Variants in GRM6 observed in about 807,000 individuals in gnomAD.
The protein encoded by GRM6 is glutamate metabotropic receptor 6.
A neutral mutation model predicts 78.4 loss-of-function variants in GRM6; 73 were observed. The observed-to-expected ratio is 0.93, with a 90% CI of 0.77 to 1.13. GRM6 has a LOEUF of 1.13. Among genes scored for constraint, GRM6 ranks in the 50% most tolerant of loss-of-function variants. The pLI, the probability that GRM6 is intolerant of heterozygous loss-of-function variation, is 0.00. For synonymous variants in GRM6, 580 were observed against 555.0 expected, an observed-to-expected ratio of 1.05 and a Z score of -0.63; for missense variants, 1,251 against 1,256.4, an observed-to-expected ratio of 1.00 and a Z score of 0.07.
intron 2 of GRM6, 98 bp downstream of exon 2, chr5:178,994,343 G>C: frequency 9.4e-7 from 1 of 1,059,338 alleles, no homozygotes; most frequent in Non-Finnish European, 1.3e-6. Flanking sequence ...TTAAAACGGA[G>C]ACTCTTTCAG....
chr5:178,981,525 G>A lies in GRM6; in HGVS notation c.*132C>T, dbSNP rs905778504. ...GTTCCTTCTCAAGGCCAGCCCCACC[G>A]ACGCGGAGCATGGTCTTGGCAAACT... On this transcript the variant is annotated 3_prime_UTR_variant, in exon 11 of 11. Transcript: ENST00000517717. The surrounding 1 kb of genome is among the most constrained non-coding windows in gnomAD (Gnocchi z 5.1). 2.3e-5 allele frequency: 16 copies of A among 682,730 alleles called. No homozygotes were observed. Among genetic ancestry groups the A allele is most frequent in the Middle Eastern group, 8.2e-4 (2 of 2,446 alleles). The allele number at this position is 682,730 out of a possible 1,614,324, so 42.3% of individuals were successfully genotyped here.
chr5:178,983,362 C>T (rs1330506012), intron 9 of GRM6, 141 bp from the exon 10 acceptor site: 2 of 772,062 alleles, frequency 2.6e-6, no homozygotes, highest in Non-Finnish European at 4.5e-6. Context: ...TGGTGGCTCT[C>T]AGGAGCACTC....
At position 178,979,984 on chromosome 5, in the gene GRM6, G is replaced by A. The variant is rs550112844; in HGVS notation, c.*1673C>T. 1.9e-5 allele frequency: 3 copies of A among 154,486 alleles called. No individual in the cohort carries two copies. The highest frequency in any genetic ancestry group is 3.9e-4 in the East Asian group (2 of 5,184). 9.6% of individuals were successfully genotyped at this position (154,486 alleles called of 1,614,324 possible). On this transcript the variant is annotated 3_prime_UTR_variant, in exon 11 of 11. Coordinates refer to ENST00000517717, the MANE Select transcript of GRM6 (RefSeq NM_000843.4). ...GAAAGCATTCAGCAACAAATGAAACGTCCTAATGTGCACTATAGAGAAGCC... is the reference window on the plus strand; with the variant it reads ...GAAAGCATTCAGCAACAAATGAAACATCCTAATGTGCACTATAGAGAAGCC...
intron 5 of GRM6, chr5:178,989,874 T>C (rs983461952): frequency 1.5e-4 from 37 of 253,170 alleles, no homozygotes; most frequent in Admixed American, 9.1e-4. Flanking sequence ...GCCCAGGGCT[T>C]TGAGAGCGCA....
Position 178,992,338 on chromosome 5 carries a change from G to A in GRM6, c.505-255C>T, listed in dbSNP as rs1760693901. ...GCTGTGCAGGTGGGAGGTATGCAGG[G>A]CTGGGGAGAGGGCAGGACCGCCACA... On this transcript the variant is annotated intron_variant, in intron 2 of 10. Transcript: ENST00000517717. This position sits in a 1 kb window ranked among gnomAD's most constrained non-coding sequence, Gnocchi z 4.9. The A allele has an allele frequency of 1.6e-6, 1 of 633,060 alleles. No homozygotes were observed. The highest frequency in any genetic ancestry group is 2.1e-5 in the Admixed American group (1 of 47,672). 39.2% of individuals were successfully genotyped at this position (633,060 alleles called of 1,614,324 possible). A position where few individuals can be genotyped will look rare whatever the true frequency, so the allele number is the denominator to read the frequency against.
chr5:178,984,964 T>C (rs1450935352), intron 9 of GRM6, among the ~76,000 whole-genome samples: 3 of 152,032 alleles, frequency 2.0e-5, no homozygotes, highest in African/African-American at 7.2e-5. Context: ...ACAGAAAACA[T>C]CCAGGGCGCC....
At chr5:178,989,211 A>AACCCCCCC in intron 6 of GRM6, 54 bp downstream of exon 6, 1 of 121,712 alleles carries the variant, frequency 8.2e-6, no homozygotes, top group Non-Finnish European at 1.3e-5. Context: ...CCCCCTCCCC[A>AACCCCCCC]CCCTCACCAC....
chr5:178,984,308 G>A lies in GRM6; in HGVS notation c.2125-1087C>T, dbSNP rs370696503. Among the ~76,000 whole-genome samples the A allele has an allele frequency of 5.0e-4, 76 of 151,958 alleles. 1 individual carries two copies. The Middle Eastern group carries it at 0.027, about 55-fold the overall frequency. Reference sequence around the variant, plus strand: ...CGAGCGAGCACGCCTCACTCGGAACGGACTCCTGCAAAATAACAGCAAATG... The same window carrying A: ...CGAGCGAGCACGCCTCACTCGGAACAGACTCCTGCAAAATAACAGCAAATG... On this transcript the variant is annotated intron_variant, in intron 9 of 10. Coordinates refer to ENST00000517717, the MANE Select transcript of GRM6 (RefSeq NM_000843.4).
rs1760664769 is a variant in GRM6 at position 178,991,230 on chromosome 5, C to T, written c.857+194G>A. On this transcript the variant is annotated intron_variant, in intron 4 of 10. Transcript: ENST00000517717. The surrounding 1 kb of genome is among the most constrained non-coding windows in gnomAD (Gnocchi z 5.0). ...TGTTCTGTGCGCTATTCAGTCTGGG[C>T]TTGTGGCATCTCCCCAGACCAGGCT... 6.6e-6 allele frequency among the ~76,000 whole-genome samples: 1 copy of T among 152,120 alleles called. No individual in the cohort carries two copies. The highest frequency in any genetic ancestry group is 2.4e-5 in the African/African-American group (1 of 41,420).
At position 178,992,535 on chromosome 5, in the gene GRM6, G is replaced by A. The variant is rs1760699839; in HGVS notation, c.505-452C>T. On this transcript the variant is annotated intron_variant, in intron 2 of 10. Coordinates refer to ENST00000517717, the MANE Select transcript of GRM6 (RefSeq NM_000843.4). This position sits in a 1 kb window ranked among gnomAD's most constrained non-coding sequence, Gnocchi z 4.9. Reference sequence around the variant, plus strand: ...CCTAGGAGGGATTAGGGCAGACAGGGGAGCAGCAGGGGATGTTCCATTTAA... The same window carrying A: ...CCTAGGAGGGATTAGGGCAGACAGGAGAGCAGCAGGGGATGTTCCATTTAA... The A allele has an allele frequency of 3.1e-6, 1 of 322,098 alleles. No homozygotes were observed. The highest frequency in any genetic ancestry group is 6.2e-6 in the Non-Finnish European group (1 of 161,310). The allele number at this position is 322,098 out of a possible 1,614,324, so 20.0% of individuals were successfully genotyped here.
At position 178,981,419 on chromosome 5, in the gene GRM6, T is replaced by TCG; in HGVS notation, c.*237_*238insCG. The TCG allele has an allele frequency of 2.0e-6, 1 of 498,904 alleles. No individual in the cohort carries two copies. Among genetic ancestry groups the TCG allele is most frequent in the Non-Finnish European group, 3.6e-6 (1 of 275,524 alleles). 30.9% of individuals were successfully genotyped at this position (498,904 alleles called of 1,614,324 possible). A position where few individuals can be genotyped will look rare whatever the true frequency, so the allele number is the denominator to read the frequency against. ...GAGCTAGAACCTTCTCGGTGGCTGT[T>TCG]TCCCACCATGGGAAGCGAGTCTGGT... On this transcript the variant is annotated 3_prime_UTR_variant, in exon 11 of 11. Coordinates refer to ENST00000517717, the MANE Select transcript of GRM6 (RefSeq NM_000843.4). The surrounding 1 kb of genome is among the most constrained non-coding windows in gnomAD (Gnocchi z 5.1).
chr5:178,982,807 T>A, intron 10 of GRM6, 103 bp downstream of exon 10: 1 of 813,460 alleles, frequency 1.2e-6, no homozygotes, highest in Non-Finnish European at 2.1e-6. Context: ...AGCAGCCAGA[T>A]ACGGGATAAA....
Position 178,981,593 on chromosome 5 carries a change from C to T in GRM6, c.*64G>A, listed in dbSNP as rs968141143. On this transcript the variant is annotated 3_prime_UTR_variant, in exon 11 of 11. Transcript: ENST00000517717. The surrounding 1 kb of genome is among the most constrained non-coding windows in gnomAD (Gnocchi z 5.1). Reference sequence around the variant, plus strand: ...CACCGTGGACCCGGGCTCTATACAGCTTCCACCTCGAGGCAAGAGGAAGAA... The same window carrying T: ...CACCGTGGACCCGGGCTCTATACAGTTTCCACCTCGAGGCAAGAGGAAGAA... 1 of 1,306,538 alleles carries T rather than the reference C, an allele frequency of 7.7e-7. No individual in the cohort carries two copies. The highest frequency in any genetic ancestry group is 1.1e-6 in the Non-Finnish European group (1 of 905,778). 80.9% of individuals were successfully genotyped at this position (1,306,538 alleles called of 1,614,324 possible). A position where few individuals can be genotyped will look rare whatever the true frequency, so the allele number is the denominator to read the frequency against.
At position 178,991,694 on chromosome 5, in the gene GRM6, C is replaced by G. The variant is rs1170259125; in HGVS notation, c.722-135G>C. 2 of 1,245,046 alleles carry G rather than the reference C, an allele frequency of 1.6e-6. No homozygotes were observed. Among genetic ancestry groups the G allele is most frequent in the African/African-American group, 2.9e-5 (2 of 68,108 alleles). 77.1% of individuals were successfully genotyped at this position (1,245,046 alleles called of 1,614,324 possible). A position where few individuals can be genotyped will look rare whatever the true frequency, so the allele number is the denominator to read the frequency against. Reference sequence around the variant, plus strand: ...GTCTGGCCTGCACCCTCCGCCAAGCCTGAGGCAGGGCTGAGTCGTCCAAAA... The same window carrying G: ...GTCTGGCCTGCACCCTCCGCCAAGCGTGAGGCAGGGCTGAGTCGTCCAAAA... On this transcript the variant is annotated intron_variant, in intron 3 of 10. Transcript: ENST00000517717. This position sits in a 1 kb window ranked among gnomAD's most constrained non-coding sequence, Gnocchi z 5.0.
In GRM6 at chr5:178,988,835, C is replaced by T. The variant is rs1199982790; in HGVS notation, c.1354+100G>A. ...AGGCACCCCCATTAGACCACTCAGCCTCACCCAGCCCTTCCACCCTGAGGT... is the reference window on the plus strand; with the variant it reads ...AGGCACCCCCATTAGACCACTCAGCTTCACCCAGCCCTTCCACCCTGAGGT... On this transcript the variant is annotated intron_variant, in intron 7 of 10. Transcript: ENST00000517717. The surrounding 1 kb of genome is among the most constrained non-coding windows in gnomAD (Gnocchi z 6.0). 3.1e-6 allele frequency: 3 copies of T among 970,886 alleles called. No homozygotes were observed. The highest frequency in any genetic ancestry group is 4.8e-6 in the Non-Finnish European group (3 of 625,920). 60.1% of individuals were successfully genotyped at this position (970,886 alleles called of 1,614,324 possible).
At chr5:178,986,070 T>C (rs982388435) in intron 9 of GRM6, 60 bp downstream of exon 9, 2 of 1,515,430 alleles carry the variant, frequency 1.3e-6, no homozygotes, top group Non-Finnish European at 1.8e-6. Flanking sequence ...CCCTTTTGGC[T>C]TTGTAACGTT....
At chr5:178,989,706 CA>C in intron 5 of GRM6, 1 of 491,502 alleles carries the variant, frequency 2.0e-6, no homozygotes, top group Non-Finnish European at 3.7e-6. Flanking sequence ...AGAGCCTCAC[CA>C]TTTGAAAGAC....
Position 178,979,869 on chromosome 5 carries a change from G to C in GRM6, c.*1788C>G, listed in dbSNP as rs1022930296. Reference sequence around the variant, plus strand: ...CAGGAGAAGAGCCCTATACAATCACGAGGGTGGAACCGCCTTTGGCAAGAA... The same window carrying C: ...CAGGAGAAGAGCCCTATACAATCACCAGGGTGGAACCGCCTTTGGCAAGAA... On this transcript the variant is annotated 3_prime_UTR_variant, in exon 11 of 11. Coordinates refer to ENST00000517717, the MANE Select transcript of GRM6 (RefSeq NM_000843.4). 3 of 154,322 alleles carry C rather than the reference G, an allele frequency of 1.9e-5. No homozygotes were observed. Among genetic ancestry groups the C allele is most frequent in the Admixed American group, 6.5e-5 (1 of 15,282 alleles). 9.6% of individuals were successfully genotyped at this position (154,322 alleles called of 1,614,324 possible). A position where few individuals can be genotyped will look rare whatever the true frequency, so the allele number is the denominator to read the frequency against.
rs758751319 is a variant in GRM6, at chr5:178,991,435, C to T, written c.846G>A (p.Glu282=). 5 of 1,613,904 alleles carry T rather than the reference C, an allele frequency of 3.1e-6. No homozygotes were observed. Among genetic ancestry groups the T allele is most frequent in the Middle Eastern group, 1.6e-4 (1 of 6,084 alleles). Reference sequence around the variant, plus strand: ...TGCCACTGTCCCACCTGATGTCATCCTCATTGGCAAAGATGATGATGCCCC... The same window carrying T: ...TGCCACTGTCCCACCTGATGTCATCTTCATTGGCAAAGATGATGATGCCCC... ...NARGIIIFAN[E]DDIRRVLEAA... The change falls in exon 4 of 11, where the codon GAG becomes GAA. Residue 282 remains glutamate (E), a synonymous_variant. Coordinates refer to ENST00000517717, the MANE Select transcript of GRM6 (RefSeq NM_000843.4). The surrounding 1 kb of genome is among the most constrained non-coding windows in gnomAD (Gnocchi z 5.0).
Sources: allele counts gnomAD v4.1 joint callset (sites outside exome capture counted in the v4.1 genomes callset), GRCh38; gene constraint gnomAD v4.1.1; non-coding constraint Gnocchi (gnomAD v3.1); transcripts MANE v1.5; gene names NCBI Gene and HGNC (gene_info 2026-07-23, HGNC 2026-07-21).